The following FHIT variants were observed in gnomAD, a reference collection of about 807,000 sequenced individuals.
The protein encoded by FHIT is bis(5'-adenosyl)-triphosphatase.
A neutral mutation model predicts 17.9 loss-of-function variants in FHIT; 19 were observed. The observed-to-expected ratio is 1.06, with a 90% CI of 0.74 to 1.56. FHIT has a LOEUF of 1.56. Ranked by LOEUF, FHIT falls within the 40% of genes most tolerant of loss-of-function variation. The pLI is 0.00. For synonymous variants in FHIT, 81 were observed against 69.7 expected (o/e 1.16, Z -0.81); for missense variants, 248 against 189.2 (o/e 1.31, Z -1.82).
At position 60,011,304 on chromosome 3, in the gene FHIT, G is replaced by A. The variant is rs187030703; in HGVS notation, c.279+67C>T. On this transcript the variant is annotated intron_variant, in intron 7 of 9. Coordinates refer to ENST00000492590, the MANE Select transcript of FHIT (RefSeq NM_002012.4). ...AACAGCAATGTGCTGCATATGACTC[G>A]TTGTGATTTTTTATTAGTTCTCATA... The A allele has an allele frequency of 7.7e-4, 1,127 of 1,459,224 alleles. 1 individual carries two copies. The highest frequency in any genetic ancestry group is 3.8e-3 in the African/African-American group (274 of 72,210). The allele number at this position is 1,459,224 out of a possible 1,614,324, so 90.4% of individuals were successfully genotyped here. A position where few individuals can be genotyped will look rare whatever the true frequency, so the allele number is the denominator to read the frequency against.
chr3:60,717,496 T>TAGTAGG (rs1553707077), intron 4 of FHIT, among the ~76,000 whole-genome samples: 3 of 152,142 alleles, frequency 2.0e-5, no homozygotes, highest in African/African-American at 7.2e-5. Flanking sequence ...CTGAAACCCA[T>TAGTAGG]CATGGGCCTA....
At chr3:60,943,494 T>C (rs1462981592) in intron 3 of FHIT, among the ~76,000 whole-genome samples, 1 of 152,184 alleles carries the variant, frequency 6.6e-6, no homozygotes, top group Non-Finnish European at 1.5e-5. Flanking sequence ...CTTCCCATGC[T>C]ATTATCCTTA....
intron 5 of FHIT, among the ~76,000 whole-genome samples, chr3:60,372,076 G>A (rs928131469): frequency 1.3e-5 from 2 of 152,026 alleles, no homozygotes; most frequent in Admixed American, 6.6e-5. Context: ...GCATTGTGGC[G>A]GTATCTCCAG....
At chr3:60,334,048 G>A (rs1710118288) in intron 5 of FHIT, among the ~76,000 whole-genome samples, 1 of 152,134 alleles carries the variant, frequency 6.6e-6, no homozygotes, top group Admixed American at 6.5e-5. Flanking sequence ...CATCTCCTCA[G>A]TTACAGCATG....
At chr3:61,117,691 C>G (rs1423264286) in intron 2 of FHIT, among the ~76,000 whole-genome samples, 1 of 152,124 alleles carries the variant, frequency 6.6e-6, no homozygotes, top group Non-Finnish European at 1.5e-5. Context: ...TGTCATCTCC[C>G]CTGAGCTTGT....
chr3:59,889,978 T>C (rs373986216), intron 8 of FHIT, among the ~76,000 whole-genome samples: 12 of 152,334 alleles, frequency 7.9e-5, no homozygotes, highest in African/African-American at 2.9e-4. Context: ...GTGAAAACTT[T>C]CCTTAGAATC....
chr3:59,826,110 C>T (rs1394910946), intron 8 of FHIT, among the ~76,000 whole-genome samples: 1 of 152,120 alleles, frequency 6.6e-6, no homozygotes, highest in Non-Finnish European at 1.5e-5. Flanking sequence ...TTCTCTCCTA[C>T]TCTGATCATC....
intron 8 of FHIT, among the ~76,000 whole-genome samples, chr3:59,780,055 C>A (rs1702506418): frequency 6.6e-6 from 1 of 152,190 alleles, no homozygotes; most frequent in East Asian, 1.9e-4. Flanking sequence ...CCCCTCTTCC[C>A]ATAGAAATGG....
intron 5 of FHIT, among the ~76,000 whole-genome samples, chr3:60,532,532 T>C (rs377427163): frequency 6.6e-6 from 1 of 152,216 alleles, no homozygotes; most frequent in Non-Finnish European, 1.5e-5. Context: ...TCTGAATGTG[T>C]ACTCTTCAAA....
intron 2 of FHIT, among the ~76,000 whole-genome samples, chr3:61,116,619 T>C (rs2365059): frequency 0.75 from 114,274 of 151,456 alleles, 43,971 homozygotes; most frequent in African/African-American, 0.8. Flanking sequence ...ACACTAGAGG[T>C]AGTTACTATG....
intron 2 of FHIT, among the ~76,000 whole-genome samples, chr3:61,045,207 G>C (rs191374860): frequency 2.6e-4 from 39 of 152,258 alleles, no homozygotes; most frequent in African/African-American, 8.9e-4. Flanking sequence ...AAAGAGTCAA[G>C]ACTCATCAGT....
intron 5 of FHIT, among the ~76,000 whole-genome samples, chr3:60,250,599 C>A (rs745563341): frequency 6.6e-6 from 1 of 152,106 alleles, no homozygotes; most frequent in African/African-American, 2.4e-5. Context: ...GGGCATGGGG[C>A]TGAATTACAG....
chr3:61,177,396 C>T lies in FHIT; in HGVS notation c.-164+23221G>A, dbSNP rs543010454. 1.3e-3 allele frequency among the ~76,000 whole-genome samples: 195 copies of T among 152,006 alleles called. 4 individuals carry two copies. The South Asian group carries it at 0.026, about 20-fold the overall frequency. On this transcript the variant is annotated intron_variant, in intron 2 of 9. Transcript: ENST00000492590. ...ACTTCTTAGTTTATACTCTCCACTG[C>T]GCAAGTTTTCAATCTATAAAAAAAC...
At chr3:60,776,619 A>T (rs920839786) in intron 4 of FHIT, among the ~76,000 whole-genome samples, 2 of 152,230 alleles carry the variant, frequency 1.3e-5, no homozygotes, top group African/African-American at 2.4e-5. Flanking sequence ...GACACACGGA[A>T]CTAACCGCAC....
intron 8 of FHIT, among the ~76,000 whole-genome samples, chr3:59,916,980 C>A (rs1457566310): frequency 2.0e-5 from 3 of 152,220 alleles, no homozygotes; most frequent in African/African-American, 7.2e-5. Flanking sequence ...AACTGTCTCA[C>A]TGAAACATTC....
intron 4 of FHIT, among the ~76,000 whole-genome samples, chr3:60,578,902 T>A (rs900484405): frequency 6.6e-5 from 10 of 152,176 alleles, no homozygotes; most frequent in Non-Finnish European, 1.3e-4. Flanking sequence ...CTAGATGTCT[T>A]CTTTTATATA....
rs568073947 is a variant in FHIT at position 60,223,164 on chromosome 3, T to C, written c.104-209012A>G. ...GAGGCTCCCCTCAGGCAGAATGACA[T>C]TGCAGAGTCCCTGGAGGGCTCCTAA... On this transcript the variant is annotated intron_variant, in intron 5 of 9. Transcript: ENST00000492590. Among the ~76,000 whole-genome samples the C allele has an allele frequency of 1.6e-4, 24 of 152,256 alleles. No homozygotes were observed. In the South Asian group the frequency reaches 2.9e-3, roughly 18 times the overall value.
intron 4 of FHIT, among the ~76,000 whole-genome samples, chr3:60,713,399 C>T (rs1239072486): frequency 6.6e-6 from 1 of 150,710 alleles, no homozygotes; most frequent in Non-Finnish European, 1.5e-5. Context: ...CATTCAAAAG[C>T]TAGCAGAAGG....
At chr3:61,086,883 A>C (rs2035322380) in intron 2 of FHIT, among the ~76,000 whole-genome samples, 1 of 152,136 alleles carries the variant, frequency 6.6e-6, no homozygotes, top group African/African-American at 2.4e-5. Flanking sequence ...ATGTCCTATA[A>C]GATTCTAGTG....
Sources: allele counts gnomAD v4.1 joint callset (sites outside exome capture counted in the v4.1 genomes callset), GRCh38; gene constraint gnomAD v4.1.1; transcripts MANE v1.5; gene names NCBI Gene and HGNC (gene_info 2026-07-23, HGNC 2026-07-21).